CCDC7: variants seen among roughly 807,000 people sequenced by gnomAD.
The protein encoded by CCDC7 is coiled-coil domain containing 7, also known as coiled-coil domain-containing protein 7.
Under a neutral mutation model 196.9 loss-of-function variants are expected in CCDC7, and 183 were observed. That is an observed-to-expected ratio of 0.93 (90% CI 0.82 to 1.05). The LOEUF is 1.05. Ranked by LOEUF, CCDC7 falls within the 50% of genes least tolerant of loss-of-function variation. CCDC7 has a pLI of 0.00. For synonymous variants in CCDC7, 525 were observed against 484.6 expected, an observed-to-expected ratio of 1.08 and a Z score of -1.10; for missense variants, 1,540 against 1,482.2, an observed-to-expected ratio of 1.04 and a Z score of -0.64.
chr10:32,644,630 G>T (rs1158602703), intron 20 of CCDC7, among the ~76,000 whole-genome samples: 1 of 152,206 alleles, frequency 6.6e-6, no homozygotes, highest in Non-Finnish European at 1.5e-5. Context: ...GAGGGACCCA[G>T]TGGGAGATAA....
At chr10:32,591,998 G>C (rs760593859) in intron 18 of CCDC7, among the ~76,000 whole-genome samples, 54 of 151,970 alleles carry the variant, frequency 3.6e-4, no homozygotes, top group Non-Finnish European at 6.9e-4. Flanking sequence ...GTGCTCATGT[G>C]GAGAGGACTA....
chr10:32,724,290 A>G (rs1416655437), intron 25 of CCDC7, among the ~76,000 whole-genome samples: 4 of 152,016 alleles, frequency 2.6e-5, no homozygotes, highest in African/African-American at 9.7e-5. Context: ...AAAAATTTCC[A>G]TGGGATCCTC....
intron 28 of CCDC7, 127 bp downstream of exon 29, chr10:32,729,584 C>T (rs2083612959): frequency 2.3e-6 from 1 of 431,226 alleles, no homozygotes; most frequent in African/African-American, 2.0e-5. Flanking sequence ...ACTACCAGAT[C>T]TTTATTGATA....
At chr10:32,675,866 C>G (rs931742032) in intron 21 of CCDC7, 2 of 151,868 alleles carry the variant, frequency 1.3e-5, no homozygotes, top group Non-Finnish European at 2.9e-5. Flanking sequence ...ACTTTCTTCA[C>G]AGAATTGGAA....
intron 32 of CCDC7, among the ~76,000 whole-genome samples, chr10:32,827,684 AC>A (rs1180557283): frequency 2.6e-4 from 39 of 152,100 alleles, no homozygotes. Flanking sequence ...TGGGAGAAAT[AC>A]CTAAGGTAAA....
At chr10:32,637,848 C>A (rs568407097) in intron 20 of CCDC7, among the ~76,000 whole-genome samples, 2 of 152,170 alleles carry the variant, frequency 1.3e-5, no homozygotes, top group Non-Finnish European at 2.9e-5. Context: ...GATATTGATT[C>A]TTCCTTCCCA....
chr10:32,855,562 T>C (rs111915620), intron 41 of CCDC7, among the ~76,000 whole-genome samples: 6,736 of 152,194 alleles, frequency 0.044, 498 homozygotes, highest in African/African-American at 0.15. Context: ...CAGTTCACAA[T>C]AGGGTTTGTG....
chr10:32,553,733 T>C (rs879862545), intron 13 of CCDC7, among the ~76,000 whole-genome samples: 4 of 152,124 alleles, frequency 2.6e-5, no homozygotes, highest in East Asian at 1.9e-4. Flanking sequence ...TGGGCTGCTA[T>C]TGGGGGTTGT....
chr10:32,450,376 A>T (rs574292348), upstream of CCDC7, among the ~76,000 whole-genome samples: 1 of 152,146 alleles, frequency 6.6e-6, no homozygotes, highest in Non-Finnish European at 1.5e-5. Flanking sequence ...ATCTGCAAAG[A>T]CCCTATTTTC....
At chr10:32,702,855 T>C (rs1265912895) in intron 24 of CCDC7, among the ~76,000 whole-genome samples, 1 of 152,230 alleles carries the variant, frequency 6.6e-6, no homozygotes, top group African/African-American at 2.4e-5. Flanking sequence ...TTTTTTTGTT[T>C]TCCATTTTCT....
rs578212987 is a variant in CCDC7 at position 32,723,694 on chromosome 10, C to T, written c.2570-3040C>T. Among the ~76,000 whole-genome samples the T allele has an allele frequency of 2.6e-5, 4 of 152,098 alleles. 1 individual carries two copies. In the South Asian group the frequency reaches 8.3e-4, roughly 32 times the overall value. On this transcript the variant is annotated intron_variant, in intron 25 of 41. Coordinates refer to ENST00000639629, the Ensembl canonical transcript of CCDC7. ...CTGAAAGTGGGGGTCTATAATGATACACCCCACAAGATGACACTCTCACTA... is the reference window on the plus strand; with the variant it reads ...CTGAAAGTGGGGGTCTATAATGATATACCCCACAAGATGACACTCTCACTA...
chr10:32,477,169 A>T (rs1165924312), intron 8 of CCDC7, among the ~76,000 whole-genome samples: 1 of 151,538 alleles, frequency 6.6e-6, no homozygotes, highest in Non-Finnish European at 1.5e-5. Flanking sequence ...TAAAAGTTTT[A>T]TAGTTTTGCA....
intron 3 of CCDC7, among the ~76,000 whole-genome samples, chr10:32,459,157 T>G (rs925702204): frequency 6.6e-6 from 1 of 152,322 alleles, no homozygotes; most frequent in Admixed American, 6.5e-5. Flanking sequence ...TTTACTGAAT[T>G]TATTCATTAA....
At chr10:32,789,871 G>C (rs2082422584) in intron 29 of CCDC7, among the ~76,000 whole-genome samples, 1 of 152,204 alleles carries the variant, frequency 6.6e-6, no homozygotes, top group Admixed American at 6.5e-5. Context: ...CCATCCCAAA[G>C]TGACAAAATA....
intron 21 of CCDC7, among the ~76,000 whole-genome samples, chr10:32,680,774 C>T (rs898524465): frequency 1.3e-5 from 2 of 152,302 alleles, no homozygotes; most frequent in South Asian, 2.1e-4. Context: ...AAATGTACTT[C>T]TTTCCCATCT....
At chr10:32,574,586 T>C in intron 16 of CCDC7, 1 of 1,002,136 alleles carries the variant, frequency 1.0e-6, no homozygotes. Flanking sequence ...TTATTTTGGC[T>C]TAGGGAATGA....
chr10:32,511,100 AATAT>A (rs1347798607), intron 9 of CCDC7, among the ~76,000 whole-genome samples: 1 of 151,998 alleles, frequency 6.6e-6, no homozygotes, highest in Non-Finnish European at 1.5e-5. Context: ...GTAAATTATA[AATAT>A]ATAATATATC....
intron 16 of CCDC7, 79 bp from the exon 18 acceptor site, chr10:32,582,955 A>G (rs529710002): frequency 4.9e-6 from 4 of 808,312 alleles, no homozygotes; most frequent in African/African-American, 3.6e-5. Context: ...ATATCCTTAT[A>G]TATTATTAAA....
intron 18 of CCDC7, among the ~76,000 whole-genome samples, chr10:32,629,621 G>A (rs2064553528): frequency 6.6e-6 from 1 of 152,124 alleles, no homozygotes; most frequent in African/African-American, 2.4e-5. Flanking sequence ...TCCTAGCAGT[G>A]GGGGAGACTT....
Sources: gnomAD v4.1 joint callset for allele counts (sites outside exome capture counted in the v4.1 genomes callset) on GRCh38, gnomAD v4.1.1 for gene constraint, MANE v1.5 for transcripts, NCBI Gene and HGNC (gene_info 2026-07-23, HGNC 2026-07-21) for gene names.